Variants in CSMD1 observed in about 807,000 individuals in gnomAD.
The protein encoded by CSMD1 is CUB and sushi domain-containing protein 1.
In CSMD1, 213 loss-of-function variants were observed where a neutral mutation model predicts 417.5. The ratio of observed to expected loss-of-function variants is 0.51; its 90% confidence interval spans 0.46 to 0.57. The LOEUF is 0.57. Among genes scored for constraint, CSMD1 ranks in the 20% least tolerant of loss-of-function variants. The pLI is 0.00. For synonymous variants in CSMD1, 2,862 were observed against 1,736.8 expected (o/e 1.65, Z -16.11); for missense variants, 6,923 against 4,529.7 (o/e 1.53, Z -15.17).
intron 3 of CSMD1, among the ~76,000 whole-genome samples, chr8:4,277,633 G>T (rs920691587): frequency 6.6e-6 from 1 of 152,098 alleles, no homozygotes; most frequent in Non-Finnish European, 1.5e-5. Flanking sequence ...TTCTCACAAG[G>T]ATATGCAGAA....
At chr8:3,873,582 C>G (rs556196808) in intron 5 of CSMD1, among the ~76,000 whole-genome samples, 7 of 152,110 alleles carry the variant, frequency 4.6e-5, no homozygotes, top group Non-Finnish European at 1.0e-4. Flanking sequence ...GGGAGAGCAT[C>G]AGCAAAAATA....
intron 21 of CSMD1, among the ~76,000 whole-genome samples, chr8:3,352,166 G>C (rs1039623797): frequency 1.6e-4 from 24 of 152,152 alleles, no homozygotes; most frequent in Admixed American, 5.9e-4. Flanking sequence ...GGGAAGGAAT[G>C]CCAGGACCTG....
At chr8:3,649,955 AC>A (rs1304939567) in intron 7 of CSMD1, among the ~76,000 whole-genome samples, 1 of 151,960 alleles carries the variant, frequency 6.6e-6, no homozygotes, top group African/African-American at 2.4e-5. Context: ...TTTTTAAAAA[AC>A]AATCTTAAAT....
At chr8:4,043,487 A>G (rs1797996469) in intron 3 of CSMD1, among the ~76,000 whole-genome samples, 2 of 152,342 alleles carry the variant, frequency 1.3e-5, no homozygotes, top group South Asian at 4.1e-4. Flanking sequence ...TGTCTTCAAA[A>G]AAAAGTATTT....
At chr8:4,515,131 G>T (rs1424624459) in intron 2 of CSMD1, among the ~76,000 whole-genome samples, 3 of 152,154 alleles carry the variant, frequency 2.0e-5, no homozygotes, top group Non-Finnish European at 4.4e-5. Flanking sequence ...GAATTTACTG[G>T]TCGGTGTGGT....
At chr8:4,915,669 A>G (rs528903581) in intron 1 of CSMD1, among the ~76,000 whole-genome samples, 2 of 152,334 alleles carry the variant, frequency 1.3e-5, no homozygotes, top group African/African-American at 4.8e-5. Flanking sequence ...AGGGAACGTT[A>G]GCGCCCGGCG....
chr8:4,711,774 T>G (rs952843769), intron 1 of CSMD1, among the ~76,000 whole-genome samples: 51 of 152,292 alleles, frequency 3.3e-4, no homozygotes, highest in African/African-American at 1.1e-3. Context: ...TTTGCTTTTG[T>G]TTTTTGTTTT....
rs1344303848 is a variant in CSMD1 at position 4,438,120 on chromosome 8, T to G, written c.303-18055A>C. On this transcript the variant is annotated intron_variant, in intron 2 of 69. Coordinates refer to ENST00000635120, the MANE Select transcript of CSMD1 (RefSeq NM_033225.6). Reference sequence around the variant, plus strand: ...TCCTGCTGTTTCTAGCACACTACGCTGCACTCAGAAAAGAATTGAGTGTGC... The same window carrying G: ...TCCTGCTGTTTCTAGCACACTACGCGGCACTCAGAAAAGAATTGAGTGTGC... Among the ~76,000 whole-genome samples, 4 of 152,304 alleles carry G rather than the reference T, an allele frequency of 2.6e-5. No homozygotes were observed. The East Asian group carries it at 7.7e-4, about 29-fold the overall frequency.
chr8:3,997,066 C>T (rs903797235), intron 5 of CSMD1, among the ~76,000 whole-genome samples: 1 of 152,178 alleles, frequency 6.6e-6, no homozygotes, highest in Non-Finnish European at 1.5e-5. Flanking sequence ...TTTCAACATA[C>T]CCATTCTTGT....
intron 25 of CSMD1, among the ~76,000 whole-genome samples, chr8:3,291,869 CTTT>C (rs1205518643): frequency 1.8e-4 from 28 of 152,124 alleles, no homozygotes; most frequent in Admixed American, 1.6e-3. Flanking sequence ...CTTCTGCTAG[CTTT>C]TGAATGTGTT....
intron 26 of CSMD1, among the ~76,000 whole-genome samples, chr8:3,260,254 G>A (rs1037554867): frequency 3.3e-5 from 5 of 152,028 alleles, no homozygotes; most frequent in Non-Finnish European, 7.4e-5. Context: ...TCTCAAAGTT[G>A]CTCTTCAGGG....
intron 2 of CSMD1, among the ~76,000 whole-genome samples, chr8:4,455,983 GACAA>G (rs1799452176): frequency 3.0e-5 from 1 of 32,854 alleles, no homozygotes; most frequent in African/African-American, 1.1e-4. Flanking sequence ...GATATTAGAA[GACAA>G]ACAATAAATT....
chr8:4,841,040 C>T (rs562116829), intron 1 of CSMD1, among the ~76,000 whole-genome samples: 1 of 152,300 alleles, frequency 6.6e-6, no homozygotes, highest in Admixed American at 6.5e-5. Flanking sequence ...CCTGTCAGCA[C>T]CAACGTTCTT....
In CSMD1 at chr8:3,246,787, A is replaced by C. The variant is rs558329112; in HGVS notation, c.4154-16556T>G. 3.7e-4 allele frequency among the ~76,000 whole-genome samples: 56 copies of C among 152,188 alleles called. 1 individual carries two copies. In the South Asian group the frequency reaches 9.3e-3, roughly 25 times the overall value. On this transcript the variant is annotated intron_variant, in intron 26 of 69. Coordinates refer to ENST00000635120, the MANE Select transcript of CSMD1 (RefSeq NM_033225.6). Reference sequence around the variant, plus strand: ...CGGGCCTGGACTTTTTATTTTCTTAATCATCAATATTTACATGGATTTCTC... The same window carrying C: ...CGGGCCTGGACTTTTTATTTTCTTACTCATCAATATTTACATGGATTTCTC...
intron 7 of CSMD1, among the ~76,000 whole-genome samples, chr8:3,623,877 T>C (rs969929211): frequency 6.6e-6 from 1 of 152,008 alleles, no homozygotes; most frequent in Non-Finnish European, 1.5e-5. Context: ...CTCTGGAGGC[T>C]GAGGCAGGAG....
intron 3 of CSMD1, among the ~76,000 whole-genome samples, chr8:4,071,409 T>G (rs925937477): frequency 2.0e-5 from 3 of 152,174 alleles, no homozygotes; most frequent in Non-Finnish European, 2.9e-5. Context: ...TAAAAAAAAT[T>G]GTAGTTTAGA....
At chr8:4,978,292 A>C (rs920346881) in intron 1 of CSMD1, among the ~76,000 whole-genome samples, 19 of 152,126 alleles carry the variant, frequency 1.2e-4, no homozygotes, top group African/African-American at 4.6e-4. Context: ...AGCTTTTTCA[A>C]CTCAAGGGTC....
intron 3 of CSMD1, among the ~76,000 whole-genome samples, chr8:4,245,336 G>A (rs1802639462): frequency 6.6e-6 from 1 of 152,210 alleles, no homozygotes; most frequent in African/African-American, 2.4e-5. Context: ...TGAGGCTGCA[G>A]AGGGTTGGGG....
intron 26 of CSMD1, among the ~76,000 whole-genome samples, chr8:3,274,140 T>C (rs1299154209): frequency 6.6e-6 from 1 of 151,978 alleles, no homozygotes; most frequent in East Asian, 1.9e-4. Context: ...TTTGTTCTCG[T>C]TGGTTTCAAA....
Sources: gnomAD v4.1 joint callset for allele counts (sites outside exome capture counted in the v4.1 genomes callset) on GRCh38, gnomAD v4.1.1 for gene constraint, MANE v1.5 for transcripts, NCBI Gene and HGNC (gene_info 2026-07-23, HGNC 2026-07-21) for gene names.